B4GALT1: variants seen among roughly 807,000 people sequenced by gnomAD.
B4GALT1 encodes the protein beta-1,4-galactosyltransferase 1, also known as N-acetyllactosamine synthase.
B4GALT1 carries 16 observed loss-of-function variants against 34.9 expected under a neutral mutation model. That is an observed-to-expected ratio of 0.46 (90% CI 0.31 to 0.70). The LOEUF (loss-of-function observed/expected upper bound fraction) is 0.70. Among genes scored for constraint, B4GALT1 ranks in the 30% least tolerant of loss-of-function variants. B4GALT1 has a pLI of 0.05. For synonymous variants in B4GALT1, 221 were observed against 218.1 expected, an observed-to-expected ratio of 1.01 and a Z score of -0.12; for missense variants, 445 against 530.5, an observed-to-expected ratio of 0.84 and a Z score of 1.58.
At chr9:33,156,929 G>A (rs777545863) in intron 1 of B4GALT1, among the ~76,000 whole-genome samples, 2 of 152,164 alleles carry the variant, frequency 1.3e-5, no homozygotes, top group Non-Finnish European at 2.9e-5. Flanking sequence ...CTTGGCAAAG[G>A]TAGGTGGGTG....
At chr9:33,140,115 C>T (rs1003076311) in intron 1 of B4GALT1, among the ~76,000 whole-genome samples, 1 of 152,254 alleles carries the variant, frequency 6.6e-6, no homozygotes, top group African/African-American at 2.4e-5. Context: ...CATGCCCCTC[C>T]ATCAAAGGCC....
At chr9:33,145,265 C>T (rs967013142) in intron 1 of B4GALT1, among the ~76,000 whole-genome samples, 1 of 152,172 alleles carries the variant, frequency 6.6e-6, no homozygotes, top group Admixed American at 6.5e-5. Context: ...GCATCTGACA[C>T]TTTGTGGCAA....
At chr9:33,169,968 ATTT>A (rs74178857), upstream of B4GALT1, among the ~76,000 whole-genome samples, 4 of 120,478 alleles carry the variant, frequency 3.3e-5, no homozygotes, top group South Asian at 2.7e-4. Context: ...CAGCCCCTAG[ATTT>A]TTTTTTTTTT....
At chr9:33,108,840 T>C (rs1387390435), downstream of B4GALT1, 1 of 152,192 alleles carries the variant, frequency 6.6e-6, no homozygotes, top group African/African-American at 2.4e-5. Flanking sequence ...GCTGGGTTCC[T>C]GGTACAGAGC....
chr9:33,121,510 G>T (rs1840019844), intron 2 of B4GALT1, among the ~76,000 whole-genome samples: 1 of 148,212 alleles, frequency 6.7e-6, no homozygotes, highest in Non-Finnish European at 1.5e-5. Context: ...TTACAGGCAT[G>T]TGCCACCATG....
intron 2 of B4GALT1, among the ~76,000 whole-genome samples, chr9:33,127,692 C>G (rs562887444): frequency 6.6e-6 from 1 of 152,286 alleles, no homozygotes; most frequent in Admixed American, 6.5e-5. Context: ...ATTCTACGAT[C>G]AACTACTATG....
In B4GALT1 at chr9:33,167,137, G is replaced by A. The variant is rs781712897; in HGVS notation, c.33C>T (p.Ser11=). The change falls in exon 1 of 6, where the codon AGC becomes AGT. Residue 11 remains serine, a synonymous_variant. Coordinates refer to ENST00000379731, the MANE Select transcript of B4GALT1 (RefSeq NM_001497.4). MRLREPLLSG[S]AAMPGASLQR... is the part of the protein sequence containing the mutation. ...GTAGGGACGCGCCTGGCATCGCGGC[G>A]CTGCCGCTCAGGAGCGGCTCCCGAA... is the stretch of plus-strand genomic sequence containing the variant. 1.9e-6 allele frequency: 3 copies of A among 1,600,978 alleles called. No homozygotes were observed. The highest frequency in any genetic ancestry group is 1.3e-5 in the African/African-American group (1 of 74,636).
At chr9:33,175,769 G>A in the B4GALT1 span, among the ~76,000 whole-genome samples, 3 of 152,302 alleles carry the variant, frequency 2.0e-5, no homozygotes, top group South Asian at 6.2e-4. Flanking sequence ...TAACCTAGAT[G>A]TGTAGTGGGC....
At chr9:33,170,452 G>A (rs1350193386), upstream of B4GALT1, among the ~76,000 whole-genome samples, 1 of 152,188 alleles carries the variant, frequency 6.6e-6, no homozygotes, top group East Asian at 1.9e-4. Flanking sequence ...CAATGAGTGA[G>A]GGTGGGTCAG....
chr9:33,119,991 C>G (rs981835376), intron 3 of B4GALT1, among the ~76,000 whole-genome samples: 1 of 152,060 alleles, frequency 6.6e-6, no homozygotes, highest in Non-Finnish European at 1.5e-5. Flanking sequence ...CGAGACCAGA[C>G]TGGGCAATAC....
chr9:33,117,058 T>C (rs1839950534), intron 3 of B4GALT1, among the ~76,000 whole-genome samples: 1 of 152,214 alleles, frequency 6.6e-6, no homozygotes, highest in African/African-American at 2.4e-5. Flanking sequence ...CTGCTTCTCC[T>C]GTGCTCTGTT....
At chr9:33,150,666 C>T (rs188756920) in intron 1 of B4GALT1, among the ~76,000 whole-genome samples, 5 of 151,972 alleles carry the variant, frequency 3.3e-5, no homozygotes, top group Admixed American at 1.3e-4. Flanking sequence ...GGTAGATACA[C>T]AAAAATATGT....
At chr9:33,172,288 T>G (rs1045336167), upstream of B4GALT1, among the ~76,000 whole-genome samples, 2 of 152,096 alleles carry the variant, frequency 1.3e-5, no homozygotes, top group African/African-American at 2.4e-5. Flanking sequence ...CTGAGATTAG[T>G]AAGTAACTGG....
chr9:33,135,070 C>T (rs1001717308), intron 2 of B4GALT1, 119 bp downstream of exon 2: 16 of 1,070,996 alleles, frequency 1.5e-5, no homozygotes, highest in Non-Finnish European at 1.8e-5. Flanking sequence ...GCTGGTTCCT[C>T]GCTGTAAGTG....
In B4GALT1 at chr9:33,152,361, TAACATAACAA is replaced by T. The variant is rs1423279292; in HGVS notation, c.412+14387_412+14396del. ...TAACATAACATAACATAACATAACATAACATAACAACTTCTACATAGCTAAAGAAACCAGA... is the reference window on the plus strand; with the variant it reads ...TAACATAACATAACATAACATAACATCTTCTACATAGCTAAAGAAACCAGA... On this transcript the variant is annotated intron_variant, in intron 1 of 5. Coordinates refer to ENST00000379731, the MANE Select transcript of B4GALT1 (RefSeq NM_001497.4). 1.5e-3 allele frequency among the ~76,000 whole-genome samples: 193 copies of T among 129,534 alleles called. 2 individuals are homozygous for T. Among genetic ancestry groups the T allele is most frequent in the Middle Eastern group, 7.6e-3 (2 of 262 alleles). 85.0% of individuals were successfully genotyped at this position (129,534 alleles called of 152,430 possible). A position where few individuals can be genotyped will look rare whatever the true frequency, so the allele number is the denominator to read the frequency against.
At position 33,166,848 on chromosome 9, in the gene B4GALT1, G is replaced by A. The variant is rs571668902; in HGVS notation, c.322C>T (p.Pro108Ser). Residue 108 changes from proline to serine, a missense_variant, in exon 1 of 6, where the codon CCT (proline) becomes TCT (serine). Pro to Ser is a moderately conservative substitution (Grantham distance 74). Coordinates refer to ENST00000379731, the MANE Select transcript of B4GALT1 (RefSeq NM_001497.4). ...GDSSPVVDSG[P>S]GPASNLTSVP... Reference sequence around the variant, plus strand: ...GAGGTCAAGTTGCTAGCGGGGCCAGGGCCAGAATCCACGACTGGGCTGGAG... The same window carrying A: ...GAGGTCAAGTTGCTAGCGGGGCCAGAGCCAGAATCCACGACTGGGCTGGAG... 18 of 1,565,980 alleles carry A rather than the reference G, an allele frequency of 1.1e-5. No homozygotes were observed. The highest frequency in any genetic ancestry group is 2.3e-5 in the South Asian group (2 of 85,590).
Position 33,130,054 on chromosome 9 carries a change from AG to A in B4GALT1, c.648+5134del, listed in dbSNP as rs1335860390. ...GAAAAATCCTGGGCAGCTGAGGGAG[AG>A]GAACAGAGGTGCCAGAAGATATGCA... On this transcript the variant is annotated intron_variant, in intron 2 of 5. Coordinates refer to ENST00000379731, the MANE Select transcript of B4GALT1 (RefSeq NM_001497.4). 2.0e-5 allele frequency among the ~76,000 whole-genome samples: 3 copies of A among 152,180 alleles called. No homozygotes were observed. The East Asian group carries it at 5.8e-4, about 29-fold the overall frequency.
Position 33,111,396 on chromosome 9 carries a change from G to A in B4GALT1, c.*2058C>T, listed in dbSNP as rs1839860905. 2.0e-5 allele frequency: 3 copies of A among 152,450 alleles called. No individual in the cohort carries two copies. The highest frequency in any genetic ancestry group is 2.0e-4 in the Admixed American group (3 of 15,260). The allele number at this position is 152,450 out of a possible 1,614,324, so 9.4% of individuals were successfully genotyped here. On this transcript the variant is annotated 3_prime_UTR_variant, in exon 6 of 6. Transcript: ENST00000379731. The stretch of plus-strand genomic sequence containing the variant: ...AAAAGTCAGGATCTGCGGACAGAAA[G>A]AGAGGCTTTCATTCTTCTTATTTCC...
chr9:33,159,624 C>T (rs1269619806), intron 1 of B4GALT1, among the ~76,000 whole-genome samples: 4 of 152,228 alleles, frequency 2.6e-5, no homozygotes, highest in Admixed American at 2.0e-4. Flanking sequence ...TCTGCCTCTC[C>T]CTAAGAGAGC....
Sources: gnomAD v4.1 joint callset for allele counts (sites outside exome capture counted in the v4.1 genomes callset) on GRCh38, gnomAD v4.1.1 for gene constraint, MANE v1.5 for transcripts, NCBI Gene and HGNC (gene_info 2026-07-23, HGNC 2026-07-21) for gene names.